The following UTRN variants were observed in gnomAD, a reference collection of about 807,000 sequenced individuals.
The protein encoded by UTRN is dystrophin-related protein 1.
Under a neutral mutation model 463.9 loss-of-function variants are expected in UTRN, and 283 were observed. The observed-to-expected ratio is 0.61, with a 90% CI of 0.55 to 0.67. The LOEUF is 0.67. UTRN is among the 30% of genes least tolerant of loss of function. The pLI is 0.00. For missense variants in UTRN, 3,922 were observed against 4,084.3 expected (o/e 0.96, Z 1.08); for synonymous variants, 1,442 against 1,431.5 (o/e 1.01, Z -0.17).
intron 33 of UTRN, among the ~76,000 whole-genome samples, chr6:144,494,938 C>T (rs1024943972): frequency 6.6e-6 from 1 of 152,190 alleles, no homozygotes; most frequent in African/African-American, 2.4e-5. Context: ...GGTGCACTCA[C>T]AAACCCTGAG....
intron 51 of UTRN, among the ~76,000 whole-genome samples, chr6:144,610,132 C>A (rs1805323417): frequency 9.0e-6 from 1 of 111,396 alleles, no homozygotes; most frequent in Non-Finnish European, 1.9e-5. Context: ...AAAATTTCAA[C>A]AAAACTAAGA....
At chr6:144,647,355 G>A (rs911690157) in intron 51 of UTRN, among the ~76,000 whole-genome samples, 7 of 152,086 alleles carry the variant, frequency 4.6e-5, no homozygotes, top group African/African-American at 1.7e-4. Flanking sequence ...AGAAACTTAG[G>A]TTCTCCAGAA....
chr6:144,821,298 T>C (rs996055192), intron 66 of UTRN, among the ~76,000 whole-genome samples: 2 of 152,186 alleles, frequency 1.3e-5, no homozygotes, highest in African/African-American at 4.8e-5. Flanking sequence ...GTTGGTCATC[T>C]CTTTTCTTTT....
Position 144,433,897 on chromosome 6 carries a change from G to A in UTRN, c.856-2038G>A, listed in dbSNP as rs1484425719. Among the ~76,000 whole-genome samples, 19 of 149,888 alleles carry A rather than the reference G, an allele frequency of 1.3e-4. No individual in the cohort carries two copies. In the East Asian group the frequency reaches 1.4e-3, roughly 11 times the overall value. On this transcript the variant is annotated intron_variant, in intron 9 of 74. Coordinates refer to ENST00000367545, the MANE Select transcript of UTRN (RefSeq NM_007124.3). ...CAGAGGGGCTCCTCACATCCCAGAC[G>A]ATGGGCGGCCAGGCAGAGACGCTCC...
At chr6:144,391,274 G>A (rs947401093) in intron 2 of UTRN, among the ~76,000 whole-genome samples, 3 of 152,038 alleles carry the variant, frequency 2.0e-5, no homozygotes, top group Non-Finnish European at 4.4e-5. Context: ...GTCTCCCTGT[G>A]TTACCCAGGC....
At chr6:144,491,301 A>G (rs985428790) in intron 32 of UTRN, among the ~76,000 whole-genome samples, 199 bp downstream of exon 32, 17 of 152,064 alleles carry the variant, frequency 1.1e-4, no homozygotes, top group African/African-American at 3.9e-4. Flanking sequence ...TAAGAGAGAT[A>G]GCTAAGGAAA....
intron 14 of UTRN, among the ~76,000 whole-genome samples, chr6:144,445,286 G>A (rs1437847218): frequency 6.7e-6 from 1 of 148,354 alleles, no homozygotes; most frequent in Non-Finnish European, 1.5e-5. Context: ...AGGAGGCAGA[G>A]GTTGCAGTGA....
intron 71 of UTRN, 25 bp from the exon 72 acceptor site, chr6:144,839,148 C>T (rs373218952): frequency 2.5e-6 from 4 of 1,572,220 alleles, no homozygotes; most frequent in Non-Finnish European, 2.6e-6. Flanking sequence ...CCTTTCTCTG[C>T]TTTAACCTCT....
intron 2 of UTRN, among the ~76,000 whole-genome samples, chr6:144,376,900 G>A (rs906848359): frequency 6.6e-6 from 1 of 152,118 alleles, no homozygotes; most frequent in Non-Finnish European, 1.5e-5. Flanking sequence ...TAATAGTACA[G>A]TATATTAATA....
chr6:144,754,674 T>C, intron 56 of UTRN, 46 bp from the exon 57 acceptor site: 1 of 1,586,774 alleles, frequency 6.3e-7, no homozygotes, highest in Non-Finnish European at 8.6e-7. Context: ...AAGTTATTGT[T>C]TCGGAATCAA....
intron 23 of UTRN, among the ~76,000 whole-genome samples, chr6:144,472,188 G>T (rs1158098435): frequency 8.5e-5 from 13 of 152,148 alleles, no homozygotes; most frequent in Non-Finnish European, 1.5e-5. Context: ...CAAACTGTAA[G>T]ATAAATAACC....
intron 50 of UTRN, among the ~76,000 whole-genome samples, chr6:144,574,986 C>G (rs1329745249): frequency 6.6e-6 from 1 of 152,104 alleles, no homozygotes; most frequent in Non-Finnish European, 1.5e-5. Context: ...AGCTGTTTTT[C>G]AAAATGGCTG....
chr6:144,448,688 CAA>C lies in UTRN; in HGVS notation c.1997_1998del (p.Lys666IlefsTer2). On this transcript the variant is annotated frameshift_variant, in exon 17 of 75. Transcript: ENST00000367545. LOFTEE classifies it high-confidence loss of function. ...GTTCGTGTAAGAGAACAAGCAATTA[CAA>C]AAAAATCTAAGCAGGAACTGCCTCC... 1.2e-6 allele frequency: 2 copies of C among 1,613,750 alleles called. No individual in the cohort carries two copies. The highest frequency in any genetic ancestry group is 2.2e-5 in the South Asian group (2 of 91,066).
At chr6:144,288,289 A>G (rs1370856410) in intron 1 of UTRN, among the ~76,000 whole-genome samples, 1 of 152,254 alleles carries the variant, frequency 6.6e-6, no homozygotes, top group Non-Finnish European at 1.5e-5. Context: ...CAAGTGAAAC[A>G]TTATAGTGAA....
intron 13 of UTRN, among the ~76,000 whole-genome samples, chr6:144,442,273 C>T (rs1437444972): frequency 6.6e-6 from 1 of 152,176 alleles, no homozygotes; most frequent in East Asian, 1.9e-4. Context: ...CCCAAGTCAT[C>T]TCCTGAATGC....
At chr6:144,379,175 T>C (rs1780703624) in intron 2 of UTRN, among the ~76,000 whole-genome samples, 1 of 152,232 alleles carries the variant, frequency 6.6e-6, no homozygotes, top group African/African-American at 2.4e-5. Context: ...TAAATTATTA[T>C]GAAACTTAGC....
intron 65 of UTRN, among the ~76,000 whole-genome samples, chr6:144,806,223 A>G (rs898871266): frequency 6.6e-6 from 1 of 152,176 alleles, no homozygotes; most frequent in South Asian, 2.1e-4. Context: ...ACTGATACAC[A>G]TATGAATTCC....
chr6:144,820,115 G>A (rs1370105603), intron 65 of UTRN, among the ~76,000 whole-genome samples: 2 of 140,964 alleles, frequency 1.4e-5, no homozygotes, highest in African/African-American at 5.1e-5. Context: ...GTGATATACA[G>A]TAGAAAACTG....
intron 2 of UTRN, chr6:144,398,058 C>G: frequency 4.2e-6 from 1 of 239,060 alleles, no homozygotes; most frequent in South Asian, 7.4e-5. Context: ...ATTTGTATTT[C>G]AATATGGCGT....
Sources: gnomAD v4.1 joint callset for allele counts (sites outside exome capture counted in the v4.1 genomes callset) on GRCh38, gnomAD v4.1.1 for gene constraint, MANE v1.5 for transcripts, NCBI Gene and HGNC (gene_info 2026-07-23, HGNC 2026-07-21) for gene names.